KAT6B: variants seen among roughly 807,000 people sequenced by gnomAD.
KAT6B encodes lysine acetyltransferase 6B.
Under a neutral mutation model 187.5 loss-of-function variants are expected in KAT6B, and 10 were observed. The observed-to-expected ratio is 0.05, with a 90% CI of 0.03 to 0.09. The LOEUF is 0.09. KAT6B is among the 10% of genes least tolerant of loss of function. The probability of loss-of-function intolerance (pLI) is 1.00; values close to 1 mark genes in which losing one functional copy is unlikely to be tolerated. For missense variants in KAT6B, 1,952 were observed against 2,558.9 expected, an observed-to-expected ratio of 0.76 and a Z score of 5.12; for synonymous variants, 861 against 926.8, an observed-to-expected ratio of 0.93 and a Z score of 1.29.
intron 3 of KAT6B, among the ~76,000 whole-genome samples, chr10:74,853,975 T>C (rs1842657426): frequency 6.6e-6 from 1 of 152,188 alleles, no homozygotes. Context: ...TGTAAAATTC[T>C]TGACTTTTTG....
intron 13 of KAT6B, among the ~76,000 whole-genome samples, chr10:74,991,260 T>G (rs1843110915): frequency 6.6e-6 from 1 of 152,206 alleles, no homozygotes; most frequent in Admixed American, 6.5e-5. Flanking sequence ...TAAATTAAAT[T>G]TTATTGATAT....
intron 3 of KAT6B, among the ~76,000 whole-genome samples, chr10:74,933,952 G>A (rs1252124247): frequency 1.3e-5 from 2 of 152,084 alleles, no homozygotes; most frequent in Non-Finnish European, 2.9e-5. Context: ...TTGGGAGGCC[G>A]AGGCGGGCAG....
At chr10:74,908,785 A>G (rs778003009) in intron 3 of KAT6B, among the ~76,000 whole-genome samples, 14 of 152,166 alleles carry the variant, frequency 9.2e-5, no homozygotes, top group Non-Finnish European at 1.8e-4. Flanking sequence ...AAATCATGAT[A>G]TAAGTTCTTC....
intron 3 of KAT6B, among the ~76,000 whole-genome samples, chr10:74,927,634 A>G (rs1252588827): frequency 1.3e-5 from 2 of 151,892 alleles, no homozygotes; most frequent in African/African-American, 4.8e-5. Context: ...TCAGTACCCC[A>G]TCTCCCTCAC....
At chr10:74,830,769 T>TATATATATATATATATATA (rs58702000) in intron 1 of KAT6B, among the ~76,000 whole-genome samples, 1 of 7,738 alleles carries the variant, frequency 1.3e-4, no homozygotes, top group African/African-American at 3.6e-4. Context: ...TATATATATA[T>TATATATATATATATATATA]TTTTTTTTTT....
Position 75,028,625 on chromosome 10 carries a change from C to T in KAT6B, c.3801C>T (p.Thr1267=), listed in dbSNP as rs375206291. 46 of 1,613,918 alleles carry T rather than the reference C, an allele frequency of 2.9e-5. No homozygotes were observed. The highest frequency in any genetic ancestry group is 2.2e-4 in the South Asian group (20 of 91,072). Residue 1267 remains threonine (T), a synonymous_variant, in exon 18 of 18, where the codon ACC becomes ACT. Coordinates refer to ENST00000287239, the MANE Select transcript of KAT6B (RefSeq NM_012330.4). The part of the protein sequence containing the change: ...SKWRQNKERK[T]GFKLNLYTPP... ...GGAGGCAAAACAAAGAGAGGAAGAC[C>T]GGATTTAAACTGAATTTGTACACCC...
intron 11 of KAT6B, chr10:74,983,893 T>C (rs1842670022): frequency 6.6e-6 from 1 of 152,224 alleles, no homozygotes; most frequent in Non-Finnish European, 1.5e-5. Flanking sequence ...ACAAAACTTA[T>C]AAAATAAAGG....
At chr10:74,862,168 C>T (rs1843231476) in intron 3 of KAT6B, among the ~76,000 whole-genome samples, 1 of 152,162 alleles carries the variant, frequency 6.6e-6, no homozygotes, top group African/African-American at 2.4e-5. Flanking sequence ...CCCCTTGTCT[C>T]TATTAATGTA....
chr10:74,896,583 C>A (rs1413494103), intron 3 of KAT6B, among the ~76,000 whole-genome samples: 3 of 152,240 alleles, frequency 2.0e-5, no homozygotes, highest in Non-Finnish European at 2.9e-5. Flanking sequence ...AGCCACAACA[C>A]CCGGCCTATT....
chr10:74,874,877 G>A (rs1474117126), intron 3 of KAT6B, among the ~76,000 whole-genome samples: 1 of 151,696 alleles, frequency 6.6e-6, no homozygotes, highest in South Asian at 2.1e-4. Flanking sequence ...TTTTTTTGAA[G>A]AGCAATTTTA....
At chr10:74,901,291 A>G (rs192641535) in intron 3 of KAT6B, among the ~76,000 whole-genome samples, 213 of 152,324 alleles carry the variant, frequency 1.4e-3, no homozygotes, top group Middle Eastern at 3.4e-3. Flanking sequence ...AAATGTGTCT[A>G]TGTCTAACTG....
chr10:74,825,001 C>G (rs1840087944), upstream of KAT6B, among the ~76,000 whole-genome samples: 1 of 152,178 alleles, frequency 6.6e-6, no homozygotes, highest in Admixed American at 6.5e-5. The surrounding 1 kb of genome is among the most constrained non-coding windows in gnomAD (Gnocchi z 5.0). Flanking sequence ...GCAGCTTCCC[C>G]CTCCAGCCCG....
At chr10:74,944,149 C>G (rs1217624387) in intron 3 of KAT6B, among the ~76,000 whole-genome samples, 1 of 152,216 alleles carries the variant, frequency 6.6e-6, no homozygotes, top group African/African-American at 2.4e-5. Context: ...CCTTGGATGA[C>G]TTCACAGATT....
chr10:74,990,487 T>G (rs1264536748), intron 13 of KAT6B, among the ~76,000 whole-genome samples: 37 of 152,182 alleles, frequency 2.4e-4, no homozygotes, highest in Admixed American at 2.4e-3. Context: ...TTATATGATT[T>G]ATTGACATTG....
chr10:74,968,705 G>GT (rs1056593603), intron 4 of KAT6B, among the ~76,000 whole-genome samples: 1 of 152,146 alleles, frequency 6.6e-6, no homozygotes, highest in African/African-American at 2.4e-5. Context: ...TAAAGACCAG[G>GT]TTTAAAAAAA....
intron 3 of KAT6B, among the ~76,000 whole-genome samples, chr10:74,888,663 G>A (rs898844831): frequency 6.6e-6 from 1 of 152,182 alleles, no homozygotes; most frequent in Non-Finnish European, 1.5e-5. Context: ...AAGGTAGTTT[G>A]GCTGTATCTT....
chr10:74,911,201 C>G (rs1341548802), intron 3 of KAT6B, among the ~76,000 whole-genome samples: 1 of 151,526 alleles, frequency 6.6e-6, no homozygotes, highest in African/African-American at 2.4e-5. Context: ...TGTAAACATG[C>G]TTTAAAAAAT....
intron 3 of KAT6B, among the ~76,000 whole-genome samples, chr10:74,884,933 A>C (rs1458198300): frequency 6.6e-6 from 1 of 151,978 alleles, no homozygotes; most frequent in African/African-American, 2.4e-5. Flanking sequence ...TGATGATGGA[A>C]ATTTTCTCTA....
At chr10:74,992,710 A>G (rs1843192154) in intron 13 of KAT6B, among the ~76,000 whole-genome samples, 1 of 152,208 alleles carries the variant, frequency 6.6e-6, no homozygotes, top group Non-Finnish European at 1.5e-5. Flanking sequence ...GTGAGGTGGA[A>G]TGGTCATCCA....
Sources: allele counts gnomAD v4.1 joint callset (sites outside exome capture counted in the v4.1 genomes callset), GRCh38; gene constraint gnomAD v4.1.1; non-coding constraint Gnocchi (gnomAD v3.1); transcripts MANE v1.5; gene names NCBI Gene and HGNC (gene_info 2026-07-23, HGNC 2026-07-21).